The following EYS variants were observed in gnomAD, a reference collection of about 807,000 sequenced individuals.
EYS encodes EGF-like photoreceptor maintenance factor.
Under a neutral mutation model 282.1 loss-of-function variants are expected in EYS, and 250 were observed. The observed-to-expected ratio is 0.89, with a 90% confidence interval of 0.80 to 0.98. The LOEUF (loss-of-function observed/expected upper bound fraction) is 0.98. Ranked by LOEUF, EYS falls within the 50% of genes least tolerant of loss-of-function variation. The probability of loss-of-function intolerance (pLI) is 0.00; values close to 1 mark genes in which losing one functional copy is unlikely to be tolerated. For synonymous variants in EYS, 1,355 were observed against 1,282.9 expected, an observed-to-expected ratio of 1.06 and a Z score of -1.20; for missense variants, 4,016 against 3,709.0, an observed-to-expected ratio of 1.08 and a Z score of -2.15.
At chr6:65,277,368 G>T (rs1768076066) in intron 12 of EYS, among the ~76,000 whole-genome samples, 1 of 151,696 alleles carries the variant, frequency 6.6e-6, no homozygotes, top group Non-Finnish European at 1.5e-5. Context: ...GGGAGCCAGA[G>T]GTTGCAGTGA....
At chr6:64,897,661 CG>C (rs1767517989) in intron 18 of EYS, among the ~76,000 whole-genome samples, 1 of 151,970 alleles carries the variant, frequency 6.6e-6, no homozygotes, top group African/African-American at 2.4e-5. Flanking sequence ...CTCCTCTGAG[CG>C]AAAAAAGCAT....
intron 12 of EYS, among the ~76,000 whole-genome samples, chr6:65,150,692 T>C (rs1204423358): frequency 2.3e-5 from 2 of 85,166 alleles, no homozygotes; most frequent in East Asian, 7.0e-4. Flanking sequence ...ATTTTTAATA[T>C]CACTCTCTAG....
chr6:64,032,123 G>GCTGTAACACTCA (rs1210211831), intron 33 of EYS, among the ~76,000 whole-genome samples: 1 of 152,072 alleles, frequency 6.6e-6, no homozygotes, highest in East Asian at 1.9e-4. Flanking sequence ...CACCTTAAGA[G>GCTGTAACACTCA]CTGTAACACT....
chr6:64,021,490 TA>T (rs1295369492), intron 33 of EYS, among the ~76,000 whole-genome samples: 3 of 152,038 alleles, frequency 2.0e-5, no homozygotes, highest in Non-Finnish European at 4.4e-5. Flanking sequence ...GATACAGCCC[TA>T]AATTGTCAAC....
At chr6:63,960,409 G>A (rs1486899590) in intron 35 of EYS, among the ~76,000 whole-genome samples, 1 of 152,160 alleles carries the variant, frequency 6.6e-6, no homozygotes, top group Admixed American at 6.5e-5. Flanking sequence ...TTATTGAGAT[G>A]GACTCTACCA....
At chr6:64,907,093 C>T (rs1373924175) in intron 16 of EYS, among the ~76,000 whole-genome samples, 6 of 152,172 alleles carry the variant, frequency 3.9e-5, no homozygotes, top group Non-Finnish European at 8.8e-5. Flanking sequence ...TGCTCTGTTG[C>T]CTAAGCTGAA....
At chr6:65,496,387 A>T (rs1391426727) in intron 2 of EYS, among the ~76,000 whole-genome samples, 7 of 151,960 alleles carry the variant, frequency 4.6e-5, no homozygotes, top group Non-Finnish European at 7.4e-5. Context: ...ATTTTTTTTT[A>T]AAAGGTAACT....
At chr6:64,996,308 T>C (rs1239834279) in intron 14 of EYS, among the ~76,000 whole-genome samples, 1 of 152,172 alleles carries the variant, frequency 6.6e-6, no homozygotes, top group Non-Finnish European at 1.5e-5. Context: ...AAGTAGTTAA[T>C]AGTGATAGTC....
chr6:64,943,604 C>G (rs2150094498), intron 15 of EYS, among the ~76,000 whole-genome samples: 1 of 151,820 alleles, frequency 6.6e-6, no homozygotes. Context: ...ACACCAAAAA[C>G]AAAAAACAAA....
chr6:64,200,945 TAATA>T (rs1167853888), intron 31 of EYS, among the ~76,000 whole-genome samples: 1 of 152,142 alleles, frequency 6.6e-6, no homozygotes, highest in African/African-American at 2.4e-5. Flanking sequence ...TGTATTTTTA[TAATA>T]AATGTCTTAT....
intron 29 of EYS, among the ~76,000 whole-genome samples, chr6:64,357,315 G>A (rs1771855872): frequency 1.1e-5 from 1 of 88,916 alleles, no homozygotes; most frequent in African/African-American, 5.0e-5. Context: ...CTGTGTCTGT[G>A]TATGAGCAGC....
intron 24 of EYS, among the ~76,000 whole-genome samples, chr6:64,607,894 T>A (rs1295459150): frequency 1.3e-5 from 2 of 152,148 alleles, no homozygotes; most frequent in Non-Finnish European, 2.9e-5. Flanking sequence ...TGTTTCCTCA[T>A]CATCACCATA....
intron 11 of EYS, among the ~76,000 whole-genome samples, chr6:65,320,665 C>A (rs1769449530): frequency 6.6e-6 from 1 of 152,208 alleles, no homozygotes; most frequent in Non-Finnish European, 1.5e-5. Context: ...ACATGTTGTC[C>A]TTCTGCCAGT....
At chr6:65,682,856 G>A (rs1768884609) in intron 1 of EYS, among the ~76,000 whole-genome samples, 1 of 151,938 alleles carries the variant, frequency 6.6e-6, no homozygotes, top group African/African-American at 2.4e-5. Context: ...TGGAGTATCT[G>A]AGGGAACAGT....
chr6:64,084,219 T>C (rs541804601), intron 31 of EYS, among the ~76,000 whole-genome samples: 3 of 152,324 alleles, frequency 2.0e-5, no homozygotes, highest in African/African-American at 7.2e-5. Context: ...CGCCTAGGAT[T>C]TGCAGCCATA....
intron 2 of EYS, among the ~76,000 whole-genome samples, chr6:65,534,828 G>A (rs565945493): frequency 3.6e-4 from 55 of 152,150 alleles, no homozygotes; most frequent in Admixed American, 1.8e-3. Context: ...CCATTGCTCT[G>A]AATAAACAAC....
intron 31 of EYS, among the ~76,000 whole-genome samples, chr6:64,174,161 T>A (rs1764558667): frequency 6.6e-6 from 1 of 152,146 alleles, no homozygotes; most frequent in South Asian, 2.1e-4. Context: ...AGTTCATATG[T>A]CTTTAAATAA....
At chr6:65,179,879 C>G (rs1003337628) in intron 12 of EYS, among the ~76,000 whole-genome samples, 12 of 152,034 alleles carry the variant, frequency 7.9e-5, no homozygotes, top group African/African-American at 2.9e-4. Flanking sequence ...GGCTTCATCC[C>G]TGGGATGCAA....
chr6:65,558,002 G>A (rs1768885685), intron 2 of EYS, among the ~76,000 whole-genome samples: 1 of 152,060 alleles, frequency 6.6e-6, no homozygotes, highest in Non-Finnish European at 1.5e-5. Context: ...GGAGGACCTG[G>A]AAAAAGTACC....
Sources: allele counts gnomAD v4.1 joint callset (sites outside exome capture counted in the v4.1 genomes callset), GRCh38; gene constraint gnomAD v4.1.1; transcripts MANE v1.5; gene names NCBI Gene and HGNC (gene_info 2026-07-23, HGNC 2026-07-21).